The following SYT9 variants were observed in gnomAD, a reference collection of about 807,000 sequenced individuals.
SYT9 encodes the protein synaptotagmin-9.
SYT9 carries 22 observed loss-of-function variants against 48.4 expected under a neutral mutation model. The ratio of observed to expected loss-of-function variants is 0.45; its 90% CI spans 0.32 to 0.65. The LOEUF is 0.65. Ranked by LOEUF, SYT9 falls within the 30% of genes least tolerant of loss-of-function variation. The pLI is 0.03. For synonymous variants in SYT9, 265 were observed against 245.0 expected (o/e 1.08, Z -0.76); for missense variants, 577 against 622.0 (o/e 0.93, Z 0.77).
At chr11:7,454,337 T>C (rs4757995) in intron 6 of SYT9, 603,207 of 981,616 alleles carry the variant, frequency 0.61, 186,487 homozygotes, top group Non-Finnish European at 0.63. Context: ...TTCCGCTCTC[T>C]GCTGCACTCC....
intron 3 of SYT9, among the ~76,000 whole-genome samples, chr11:7,406,568 A>ATATATATG: frequency 8.5e-6 from 1 of 117,984 alleles, no homozygotes; most frequent in Non-Finnish European, 1.8e-5. Context: ...ATATATATAT[A>ATATATATG]GCACATTTTC....
At chr11:7,292,614 T>C (rs1209262234) in intron 1 of SYT9, among the ~76,000 whole-genome samples, 7 of 152,250 alleles carry the variant, frequency 4.6e-5, no homozygotes, top group Non-Finnish European at 2.9e-5. Flanking sequence ...CTCTTTGGCC[T>C]GTCCCCAGTC....
At chr11:7,258,688 A>T (rs1211467528) in intron 1 of SYT9, among the ~76,000 whole-genome samples, 1 of 152,138 alleles carries the variant, frequency 6.6e-6, no homozygotes, top group East Asian at 1.9e-4. Flanking sequence ...CATTTTATTC[A>T]TCTATAAAAT....
At position 7,378,577 on chromosome 11, in the gene SYT9, G is replaced by A. The variant is rs1026483108; in HGVS notation, c.1045-37465G>A. Reference sequence around the variant, plus strand: ...AGGAACAGTTGATGGAGATGGAAGAGGGATGAGGGAGGTGCATAGTGCTCC... The same window carrying A: ...AGGAACAGTTGATGGAGATGGAAGAAGGATGAGGGAGGTGCATAGTGCTCC... On this transcript the variant is annotated intron_variant, in intron 3 of 6. Transcript: ENST00000318881. 2.0e-5 allele frequency among the ~76,000 whole-genome samples: 3 copies of A among 151,718 alleles called. No individual in the cohort carries two copies. The East Asian group carries it at 5.8e-4, about 29-fold the overall frequency.
chr11:7,336,086 A>G (rs1038813938), intron 3 of SYT9, among the ~76,000 whole-genome samples: 2 of 152,122 alleles, frequency 1.3e-5, no homozygotes, highest in African/African-American at 4.8e-5. Context: ...CATTTCTCTA[A>G]TGATCACTGA....
intron 3 of SYT9, among the ~76,000 whole-genome samples, chr11:7,346,789 T>A (rs1158186213): frequency 6.6e-6 from 1 of 152,258 alleles, no homozygotes; most frequent in Non-Finnish European, 1.5e-5. Context: ...GAAGAGTAGA[T>A]AATTCTGATA....
chr11:7,299,624 G>A (rs1185302941), intron 1 of SYT9, among the ~76,000 whole-genome samples: 1 of 152,162 alleles, frequency 6.6e-6, no homozygotes, highest in Admixed American at 6.5e-5. Flanking sequence ...ATAATTCAAG[G>A]TAGACGTAGC....
chr11:7,420,685 C>T (rs1289049223), intron 6 of SYT9, 50 bp downstream of exon 6: 2 of 1,606,592 alleles, frequency 1.2e-6, no homozygotes, highest in South Asian at 2.2e-5. Flanking sequence ...AAATGCTTTA[C>T]TGTTGAAATG....
intron 3 of SYT9, among the ~76,000 whole-genome samples, chr11:7,371,892 T>C (rs1850368718): frequency 6.6e-6 from 1 of 152,224 alleles, no homozygotes; most frequent in African/African-American, 2.4e-5. Flanking sequence ...TGTTTATCCA[T>C]TTCTTTGCTC....
intron 1 of SYT9, among the ~76,000 whole-genome samples, chr11:7,266,982 T>C (rs1179435522): frequency 1.3e-5 from 2 of 152,102 alleles, no homozygotes; most frequent in African/African-American, 4.8e-5. Flanking sequence ...ATTTATATAG[T>C]TTTTAATCTT....
intron 3 of SYT9, among the ~76,000 whole-genome samples, chr11:7,332,918 C>T (rs1224981098): frequency 6.6e-6 from 1 of 152,250 alleles, no homozygotes; most frequent in African/African-American, 2.4e-5. Flanking sequence ...CCTGGGACTA[C>T]ATTTAATGGT....
intron 3 of SYT9, among the ~76,000 whole-genome samples, chr11:7,320,889 AG>A (rs1849325433): frequency 6.6e-6 from 1 of 152,226 alleles, no homozygotes. Context: ...GACAGCATCA[AG>A]GGGGAAGGTC....
chr11:7,347,109 C>T (rs1849813669), intron 3 of SYT9, among the ~76,000 whole-genome samples: 1 of 152,226 alleles, frequency 6.6e-6, no homozygotes, highest in Non-Finnish European at 1.5e-5. Flanking sequence ...ATGCAGAGCA[C>T]AGCCTTCAAA....
chr11:7,300,759 G>T (rs548507425), intron 1 of SYT9, among the ~76,000 whole-genome samples: 103 of 152,276 alleles, frequency 6.8e-4, no homozygotes, highest in Non-Finnish European at 1.4e-3. Context: ...CTGGGACAGG[G>T]TTTCCTCCTT....
chr11:7,279,377 C>G (rs1229400064), intron 1 of SYT9, among the ~76,000 whole-genome samples: 3 of 152,032 alleles, frequency 2.0e-5, no homozygotes, highest in Non-Finnish European at 4.4e-5. Context: ...AACAAAAAAA[C>G]TGACTCAAGG....
chr11:7,241,651 G>A (rs1047593373), intron 1 of SYT9, among the ~76,000 whole-genome samples: 2 of 152,212 alleles, frequency 1.3e-5, no homozygotes, highest in African/African-American at 4.8e-5. Context: ...AGTGGGACTG[G>A]ATTAGAAGAA....
chr11:7,429,946 T>C (rs1847535157), intron 6 of SYT9, among the ~76,000 whole-genome samples: 1 of 152,224 alleles, frequency 6.6e-6, no homozygotes, highest in African/African-American at 2.4e-5. Context: ...TCTCAGGGCC[T>C]GTGGGAAGCT....
At chr11:7,423,126 C>T (rs1358137886) in intron 6 of SYT9, among the ~76,000 whole-genome samples, 4 of 152,164 alleles carry the variant, frequency 2.6e-5, no homozygotes, top group Admixed American at 2.6e-4. Context: ...GAAGGGCAAG[C>T]CTTCATATAA....
chr11:7,302,420 G>A (rs1848938785), intron 1 of SYT9, among the ~76,000 whole-genome samples: 1 of 152,092 alleles, frequency 6.6e-6, no homozygotes, highest in Non-Finnish European at 1.5e-5. Flanking sequence ...ATGCTACTGG[G>A]GAAACCCAAA....
Sources: gnomAD v4.1 joint callset for allele counts (sites outside exome capture counted in the v4.1 genomes callset) on GRCh38, gnomAD v4.1.1 for gene constraint, MANE v1.5 for transcripts, NCBI Gene and HGNC (gene_info 2026-07-23, HGNC 2026-07-21) for gene names.